Variants in ECT2 observed in about 807,000 individuals in gnomAD.
The protein encoded by ECT2 is epithelial cell transforming 2.
A neutral mutation model predicts 116.9 loss-of-function variants in ECT2; 61 were observed. The observed-to-expected ratio is 0.52, with a 90% CI of 0.42 to 0.65. The LOEUF is 0.65. Among genes scored for constraint, ECT2 ranks in the 30% least tolerant of loss-of-function variants. ECT2 has a pLI of 0.00. For missense variants in ECT2, 937 were observed against 1,078.7 expected (o/e 0.87, Z 1.84); for synonymous variants, 358 against 346.4 (o/e 1.03, Z -0.37).
intron 12 of ECT2, among the ~76,000 whole-genome samples, chr3:172,767,712 A>G (rs1398822276): frequency 2.0e-5 from 3 of 149,890 alleles, no homozygotes; most frequent in African/African-American, 7.6e-5. Flanking sequence ...ATATCTATAG[A>G]TATGTGTATA....
chr3:172,801,401 A>G (rs968678760), intron 18 of ECT2, among the ~76,000 whole-genome samples: 7 of 152,198 alleles, frequency 4.6e-5, no homozygotes, highest in African/African-American at 1.2e-4. Flanking sequence ...CTGATGTCAC[A>G]TTAATCTTGA....
chr3:172,763,031 T>C (rs1718643952), intron 11 of ECT2, 59 bp downstream of exon 11: 4 of 1,558,918 alleles, frequency 2.6e-6, no homozygotes, highest in Non-Finnish European at 2.6e-6. Flanking sequence ...AAAATAACAC[T>C]TTTCTGTCCA....
In ECT2 at chr3:172,760,232, T is replaced by G; in HGVS notation, c.653T>G (p.Val218Gly). ...KDFNSKVTHL[V>G]ANCTQGEKFR... ...TTTAATTCAAAAGTTACACATTTGG[T>G]GGCAAATTGTACACAAGGAGAAAAA... The change falls in exon 7 of 25, where the codon GTG becomes GGG. Residue 218 changes from valine (V) to glycine (G), a missense_variant. Transcript: ENST00000392692. 1 of 1,611,924 alleles carries G rather than the reference T, an allele frequency of 6.2e-7. No homozygotes were observed. Among genetic ancestry groups the G allele is most frequent in the Non-Finnish European group, 8.5e-7 (1 of 1,178,816 alleles).
intron 22 of ECT2, among the ~76,000 whole-genome samples, chr3:172,811,645 G>T (rs954978267): frequency 1.3e-5 from 2 of 152,124 alleles, no homozygotes; most frequent in Admixed American, 1.3e-4. Flanking sequence ...ATTAGCATTT[G>T]CTAAGGATTT....
At chr3:172,827,680 A>C in the ECT2 span, among the ~76,000 whole-genome samples, 1 of 152,202 alleles carries the variant, frequency 6.6e-6, no homozygotes, top group African/African-American at 2.4e-5. Context: ...ACAAAGATAC[A>C]GTTAGATAGA....
rs1198032098 is a variant in ECT2, at chr3:172,783,808, T to G, written c.1627T>G (p.Leu543Val). 2 of 1,592,842 alleles carry G rather than the reference T, an allele frequency of 1.3e-6. No individual in the cohort carries two copies. Among genetic ancestry groups the G allele is most frequent in the Admixed American group, 1.7e-5 (1 of 58,596 alleles). Reference sequence around the variant, plus strand: ...TCCCTTTTCTTCCTAGTCAAAAGATTTGGTAAAAACCTACCCTCCCTTTGT... The same window carrying G: ...TCCCTTTTCTTCCTAGTCAAAAGATGTGGTAAAAACCTACCCTCCCTTTGT... ...GDIFLKYSKD[L>V]VKTYPPFVNF... The change falls in exon 16 of 25, where the codon TTG (leucine) becomes GTG (valine). Residue 543 changes from leucine (L) to valine (V), a missense_variant. By Grantham distance (32) the Leu-to-Val change is conservative (BLOSUM62 1). Coordinates refer to ENST00000392692, the MANE Select transcript of ECT2 (RefSeq NM_001258315.2).
At chr3:172,761,341 A>C (rs190414309) in intron 7 of ECT2, among the ~76,000 whole-genome samples, 2 of 152,302 alleles carry the variant, frequency 1.3e-5, no homozygotes, top group Admixed American at 6.5e-5. Flanking sequence ...AACGTGAAGA[A>C]AGGAGAAATA....
chr3:172,785,319 T>A (rs565263998), intron 17 of ECT2, among the ~76,000 whole-genome samples: 1 of 152,296 alleles, frequency 6.6e-6, no homozygotes, highest in Non-Finnish European at 1.5e-5. Context: ...GAATAAATTT[T>A]GCCTGTGGTA....
At chr3:172,754,411 T>C in intron 1 of ECT2, 98 bp from the exon 2 acceptor site, 1 of 879,278 alleles carries the variant, frequency 1.1e-6, no homozygotes, top group East Asian at 2.9e-5. Flanking sequence ...AAATGGGTAA[T>C]AATACTTTTT....
At chr3:172,758,710 C>T (rs1392979336) in intron 5 of ECT2, among the ~76,000 whole-genome samples, 1 of 152,090 alleles carries the variant, frequency 6.6e-6, no homozygotes, top group East Asian at 1.9e-4. Context: ...TGTCAGAGTG[C>T]ATTTAATATT....
chr3:172,783,976 CA>C, intron 16 of ECT2, 67 bp downstream of exon 16: 1 of 1,124,994 alleles, frequency 8.9e-7, no homozygotes, highest in Non-Finnish European at 1.3e-6. Context: ...ACAATTATGA[CA>C]AAAATGAAGT....
At position 172,755,563 on chromosome 3, in the gene ECT2, T is replaced by G; in HGVS notation, c.291T>G (p.Ser97Arg). 3.4e-6 allele frequency: 5 copies of G among 1,451,022 alleles called. No individual in the cohort carries two copies. The African/African-American group carries it at 4.3e-5, about 12-fold the overall frequency. 89.9% of individuals were successfully genotyped at this position (1,451,022 alleles called of 1,614,324 possible). Residue 97 changes from serine (S) to arginine (R), a missense_variant, in exon 4 of 25, where the codon AGT becomes AGG. Coordinates refer to ENST00000392692, the MANE Select transcript of ECT2 (RefSeq NM_001258315.2). ...PGKSDEKLIKSVINMDIKVGF... is the reference protein window; with the variant it reads ...PGKSDEKLIKRVINMDIKVGF... Reference sequence around the variant, plus strand: ...AATCGGATGAAAAATTAATAAAAAGTGTTATTAATATGGTAGGTCAAAGTA... The same window carrying G: ...AATCGGATGAAAAATTAATAAAAAGGGTTATTAATATGGTAGGTCAAAGTA...
rs372335626 is a variant in ECT2 at position 172,758,968 on chromosome 3, T to C, written c.487-12T>C. The C allele has an allele frequency of 5.0e-6, 8 of 1,595,430 alleles. No individual in the cohort carries two copies. Among genetic ancestry groups the C allele is most frequent in the South Asian group, 1.1e-5 (1 of 88,564 alleles). ...AGAGAAAGCTCACATTTAAAATTGT[T>C]GTATCCTTCAGCCTTTGCCATTTTC... On this transcript the variant is annotated splice_polypyrimidine_tract_variant and intron_variant, in intron 5 of 24. Transcript: ENST00000392692.
intron 21 of ECT2, among the ~76,000 whole-genome samples, chr3:172,806,442 T>C (rs1323147994): frequency 6.6e-6 from 1 of 152,190 alleles, no homozygotes; most frequent in Non-Finnish European, 1.5e-5. Context: ...TGAAAATTTA[T>C]ACCTACCTAC....
intron 22 of ECT2, among the ~76,000 whole-genome samples, chr3:172,811,453 A>G (rs1728757787): frequency 6.6e-6 from 1 of 152,138 alleles, no homozygotes; most frequent in African/African-American, 2.4e-5. Flanking sequence ...GTCATTCTGA[A>G]CTCAGAATCT....
chr3:172,819,603 C>A (rs757774325), intron 24 of ECT2, among the ~76,000 whole-genome samples: 5 of 152,044 alleles, frequency 3.3e-5, no homozygotes, highest in Non-Finnish European at 7.4e-5. Context: ...ACATCAGCCT[C>A]CTGAGTAGCT....
At chr3:172,802,123 G>GT (rs1442734672) in intron 18 of ECT2, among the ~76,000 whole-genome samples, 15 of 149,544 alleles carry the variant, frequency 1.0e-4, no homozygotes, top group Admixed American at 4.6e-4. Flanking sequence ...TTTTGTTTTT[G>GT]TTTTTTTTGA....
intron 18 of ECT2, among the ~76,000 whole-genome samples, chr3:172,797,083 G>T (rs933502594): frequency 6.8e-6 from 1 of 147,736 alleles, no homozygotes; most frequent in African/African-American, 2.5e-5. Context: ...AGGCTGGAGT[G>T]CAGTGGCACA....
At chr3:172,820,026 C>G (rs1730477644) in intron 24 of ECT2, 122 bp from the exon 25 acceptor site, 1 of 616,720 alleles carries the variant, frequency 1.6e-6, no homozygotes, top group Admixed American at 3.2e-5. Context: ...TGTCAGATGT[C>G]TTGTACTTAA....
Sources: gnomAD v4.1 joint callset for allele counts (sites outside exome capture counted in the v4.1 genomes callset) on GRCh38, gnomAD v4.1.1 for gene constraint, MANE v1.5 for transcripts, NCBI Gene and HGNC (gene_info 2026-07-23, HGNC 2026-07-21) for gene names.